ITGB8: variants seen among roughly 807,000 people sequenced by gnomAD.
ITGB8 encodes integrin beta-8.
Under a neutral mutation model 89.5 loss-of-function variants are expected in ITGB8, and 30 were observed. That is an observed-to-expected ratio of 0.34 (90% CI 0.25 to 0.45). The LOEUF is 0.45. ITGB8 is among the 20% of genes least tolerant of loss of function. ITGB8 has a pLI of 1.00. For synonymous variants in ITGB8, 335 were observed against 320.4 expected, an observed-to-expected ratio of 1.05 and a Z score of -0.49; for missense variants, 836 against 933.3, an observed-to-expected ratio of 0.90 and a Z score of 1.36.
chr7:20,396,935 G>T (rs2127978280), intron 8 of ITGB8, among the ~76,000 whole-genome samples: 1 of 151,938 alleles, frequency 6.6e-6, no homozygotes, highest in Middle Eastern at 3.4e-3. Context: ...AACTTACTGG[G>T]GCTAACTACT....
chr7:20,352,583 T>A (rs942533646), intron 1 of ITGB8: 3 of 152,322 alleles, frequency 2.0e-5, no homozygotes, highest in African/African-American at 7.2e-5. Context: ...AAACAGCTAT[T>A]AACTGGATTT....
At chr7:20,372,637 T>A (rs1285463503) in intron 3 of ITGB8, among the ~76,000 whole-genome samples, 3 of 152,046 alleles carry the variant, frequency 2.0e-5, no homozygotes, top group Admixed American at 2.0e-4. Flanking sequence ...GTGAACGCAG[T>A]GGGGAAGAGA....
At chr7:20,370,399 T>A (rs1352193772) in intron 3 of ITGB8, among the ~76,000 whole-genome samples, 3 of 151,216 alleles carry the variant, frequency 2.0e-5, no homozygotes, top group African/African-American at 4.8e-5. Context: ...AGAAACCTAA[T>A]ATACAAGAAG....
At chr7:20,399,101 A>T in intron 9 of ITGB8, 107 bp downstream of exon 9, 1 of 1,125,998 alleles carries the variant, frequency 8.9e-7, no homozygotes, top group Non-Finnish European at 1.2e-6. Flanking sequence ...TACTGACTCT[A>T]AGAATCTTAT....
At chr7:20,405,969 AT>A (rs1226274510) in intron 11 of ITGB8, 92 bp from the exon 12 acceptor site, 1 of 740,458 alleles carries the variant, frequency 1.4e-6, no homozygotes, top group African/African-American at 1.8e-5. Flanking sequence ...TTGTTTCTGC[AT>A]TGTTATTTTG....
chr7:20,415,207 T>G lies in ITGB8; in HGVS notation c.*5210T>G, dbSNP rs1424945056. Reference sequence around the variant, plus strand: ...CATTTGCACATATTAATATAGAAATTCATTTTGTGTATATTTAACATAGCT... The same window carrying G: ...CATTTGCACATATTAATATAGAAATGCATTTTGTGTATATTTAACATAGCT... On this transcript the variant is annotated 3_prime_UTR_variant, in exon 14 of 14. Coordinates refer to ENST00000222573, the MANE Select transcript of ITGB8 (RefSeq NM_002214.3). 1.3e-5 allele frequency: 2 copies of G among 152,326 alleles called. No individual in the cohort carries two copies. The highest frequency in any genetic ancestry group is 6.6e-5 in the Admixed American group (1 of 15,264). The allele number at this position is 152,326 out of a possible 1,614,324, so 9.4% of individuals were successfully genotyped here.
At chr7:20,342,751 A>G (rs1784804951) in intron 1 of ITGB8, among the ~76,000 whole-genome samples, 1 of 152,160 alleles carries the variant, frequency 6.6e-6, no homozygotes, top group Non-Finnish European at 1.5e-5. Flanking sequence ...AGGTTGTTCA[A>G]GACCAAAGGA....
chr7:20,410,437 A>C lies in ITGB8; in HGVS notation c.*440A>C, dbSNP rs1388774439. On this transcript the variant is annotated 3_prime_UTR_variant, in exon 14 of 14. Coordinates refer to ENST00000222573, the MANE Select transcript of ITGB8 (RefSeq NM_002214.3). ...AAAATAATCTGGCAAGTATATTCTA[A>C]GGTTGCCAAACACTTCAACAGTTGG... 1.3e-5 allele frequency: 2 copies of C among 158,514 alleles called. No individual in the cohort carries two copies. The highest frequency in any genetic ancestry group is 2.8e-5 in the Non-Finnish European group (2 of 72,572). 9.8% of individuals were successfully genotyped at this position (158,514 alleles called of 1,614,324 possible). A position where few individuals can be genotyped will look rare whatever the true frequency, so the allele number is the denominator to read the frequency against.
At chr7:20,380,587 T>C (rs1786339104) in intron 4 of ITGB8, 79 bp from the exon 5 acceptor site, 1 of 1,163,408 alleles carries the variant, frequency 8.6e-7, no homozygotes, top group African/African-American at 1.5e-5. Flanking sequence ...TTCACACAAC[T>C]GTACAATTTT....
intron 2 of ITGB8, 48 bp from the exon 3 acceptor site, chr7:20,366,964 T>G: frequency 7.7e-7 from 1 of 1,296,596 alleles, no homozygotes; most frequent in South Asian, 1.3e-5. Flanking sequence ...TCTTTGGATG[T>G]AATTGATATA....
chr7:20,396,555 A>C (rs534334283), intron 8 of ITGB8, among the ~76,000 whole-genome samples: 1 of 152,338 alleles, frequency 6.6e-6, no homozygotes, highest in Non-Finnish European at 1.5e-5. Flanking sequence ...GAGTAAAATA[A>C]GGAAGAGCGT....
At chr7:20,350,562 T>C (rs370835265) in intron 1 of ITGB8, among the ~76,000 whole-genome samples, 9 of 152,348 alleles carry the variant, frequency 5.9e-5, no homozygotes, top group African/African-American at 1.2e-4. Context: ...AATCATGTCA[T>C]TGTAAGTTGC....
chr7:20,333,986 T>C (rs749937790), intron 1 of ITGB8, among the ~76,000 whole-genome samples: 22 of 152,310 alleles, frequency 1.4e-4, no homozygotes, highest in Non-Finnish European at 2.4e-4. Flanking sequence ...TCTTGTTTCC[T>C]TGCTCAGTAG....
At chr7:20,337,268 T>C (rs1784607083) in intron 1 of ITGB8, among the ~76,000 whole-genome samples, 1 of 152,206 alleles carries the variant, frequency 6.6e-6, no homozygotes, top group African/African-American at 2.4e-5. Flanking sequence ...TTTGTAGTCA[T>C]TTTCAACTAA....
chr7:20,356,387 A>G (rs1785294837), intron 1 of ITGB8, among the ~76,000 whole-genome samples: 1 of 152,210 alleles, frequency 6.6e-6, no homozygotes, highest in Non-Finnish European at 1.5e-5. Flanking sequence ...GTATATTTAC[A>G]TGACTATGAT....
chr7:20,393,288 C>G (rs1270970649), intron 7 of ITGB8, among the ~76,000 whole-genome samples: 2 of 152,136 alleles, frequency 1.3e-5, no homozygotes, highest in Non-Finnish European at 2.9e-5. Flanking sequence ...ACCATAAAAC[C>G]AGGTTTATTA....
chr7:20,377,144 C>T (rs1786184531), intron 3 of ITGB8, among the ~76,000 whole-genome samples: 1 of 152,150 alleles, frequency 6.6e-6, no homozygotes, highest in Non-Finnish European at 1.5e-5. Context: ...TGGTTGTTTG[C>T]TGAGGTCACC....
At chr7:20,340,451 C>T (rs1002021393) in intron 1 of ITGB8, among the ~76,000 whole-genome samples, 2 of 152,150 alleles carry the variant, frequency 1.3e-5, no homozygotes, top group African/African-American at 4.8e-5. Flanking sequence ...AAGAACTGTA[C>T]CAAATATGTC....
intron 1 of ITGB8, among the ~76,000 whole-genome samples, chr7:20,361,871 T>G (rs1228626072): frequency 6.6e-6 from 1 of 152,188 alleles, no homozygotes; most frequent in Non-Finnish European, 1.5e-5. Flanking sequence ...TAGAGTTCAC[T>G]TTAGTTCTTT....
Sources: gnomAD v4.1 joint callset for allele counts (sites outside exome capture counted in the v4.1 genomes callset) on GRCh38, gnomAD v4.1.1 for gene constraint, MANE v1.5 for transcripts, NCBI Gene and HGNC (gene_info 2026-07-23, HGNC 2026-07-21) for gene names.